Variants in SLC4A5 observed in about 807,000 individuals in gnomAD.
SLC4A5 encodes electrogenic sodium bicarbonate cotransporter 4.
In SLC4A5, 96 loss-of-function variants were observed where a neutral mutation model predicts 120.4. That is an observed-to-expected ratio of 0.80 (90% CI 0.68 to 0.94). The LOEUF (loss-of-function observed/expected upper bound fraction) is 0.94, where lower values mean the gene tolerates loss of function less well. Ranked by LOEUF, SLC4A5 falls within the 40% of genes least tolerant of loss-of-function variation. The pLI, the probability that SLC4A5 is intolerant of heterozygous loss-of-function variation, is 0.00. For missense variants in SLC4A5, 1,259 were observed against 1,459.5 expected, an observed-to-expected ratio of 0.86 and a Z score of 2.24; for synonymous variants, 550 against 571.1, an observed-to-expected ratio of 0.96 and a Z score of 0.53.
intron 5 of SLC4A5, among the ~76,000 whole-genome samples, chr2:74,324,836 T>C (rs1004692489): frequency 2.0e-5 from 3 of 152,158 alleles, no homozygotes; most frequent in Non-Finnish European, 4.4e-5. Flanking sequence ...TCCCATGTCC[T>C]TAACTGGGCC....
chr2:74,227,179 G>T (rs377538184), intron 26 of SLC4A5, 49 bp from the exon 27 acceptor site: 1 of 1,540,814 alleles, frequency 6.5e-7, no homozygotes, highest in Non-Finnish European at 8.8e-7. Context: ...CCGAGGGCCC[G>T]CTGGGTCCTG....
At chr2:74,265,908 T>C (rs780500215) in intron 8 of SLC4A5, among the ~76,000 whole-genome samples, 1 of 151,890 alleles carries the variant, frequency 6.6e-6, no homozygotes, top group African/African-American at 2.4e-5. Flanking sequence ...GGGCTGGGTG[T>C]TCAAGTAGAA....
At chr2:74,276,654 C>T (rs927046667) in intron 8 of SLC4A5, among the ~76,000 whole-genome samples, 4 of 82,958 alleles carry the variant, frequency 4.8e-5, no homozygotes, top group South Asian at 3.3e-4. Flanking sequence ...GGATTGCTTA[C>T]GTTAAGTGTA....
chr2:74,264,289 A>G, exon 10 of SLC4A5: 1 of 1,613,790 alleles, frequency 6.2e-7, no homozygotes, highest in Non-Finnish European at 8.5e-7. Flanking sequence ...TCTGCTTCTC[A>G]ATGACATCAT....
chr2:74,246,069 G>C (rs946788889), intron 19 of SLC4A5, among the ~76,000 whole-genome samples: 5 of 152,172 alleles, frequency 3.3e-5, no homozygotes, highest in Non-Finnish European at 5.9e-5. Flanking sequence ...GCAGCACCCT[G>C]GGCACTCTGG....
intron 12 of SLC4A5, 118 bp downstream of exon 12, chr2:74,259,469 TG>T (rs1671069001): frequency 8.5e-7 from 1 of 1,180,112 alleles, no homozygotes; most frequent in Non-Finnish European, 1.3e-6. Context: ...GGGATCTTCC[TG>T]GAACTCCCAC....
chr2:74,264,888 G>T (rs930744466), intron 9 of SLC4A5, among the ~76,000 whole-genome samples: 3 of 152,220 alleles, frequency 2.0e-5, no homozygotes, highest in Non-Finnish European at 4.4e-5. Context: ...GCATTTTGGA[G>T]GATGGTCTTT....
chr2:74,321,415 G>C (rs1025514072), intron 5 of SLC4A5, among the ~76,000 whole-genome samples: 1 of 152,168 alleles, frequency 6.6e-6, no homozygotes, highest in African/African-American at 2.4e-5. Flanking sequence ...TTCCTGGATA[G>C]AGTTGCCAGG....
intron 8 of SLC4A5, among the ~76,000 whole-genome samples, chr2:74,278,603 C>T (rs1440198983): frequency 6.6e-6 from 1 of 152,128 alleles, no homozygotes. Context: ...GAACCTTTTA[C>T]CTGGGGCTTG....
At chr2:74,311,852 G>A (rs564943878) in intron 6 of SLC4A5, among the ~76,000 whole-genome samples, 4 of 151,564 alleles carry the variant, frequency 2.6e-5, no homozygotes, top group South Asian at 4.2e-4. Context: ...CAACTATATC[G>A]TTACTGATTT....
chr2:74,336,552 A>G (rs375295732), intron 3 of SLC4A5, among the ~76,000 whole-genome samples: 169 of 152,294 alleles, frequency 1.1e-3, no homozygotes, highest in Middle Eastern at 6.8e-3. Context: ...AAACATTGAG[A>G]GCAGTGCTTG....
intron 8 of SLC4A5, among the ~76,000 whole-genome samples, chr2:74,266,287 G>T (rs895004689): frequency 7.9e-5 from 12 of 152,128 alleles, no homozygotes; most frequent in East Asian, 5.8e-4. Context: ...TTTTTTGTTG[G>T]TTTTTTTGAG....
At chr2:74,273,240 T>C (rs1428622155) in intron 8 of SLC4A5, among the ~76,000 whole-genome samples, 2 of 152,190 alleles carry the variant, frequency 1.3e-5, no homozygotes, top group Non-Finnish European at 2.9e-5. Flanking sequence ...AAGAGAAGCT[T>C]CTATCTATAC....
chr2:74,262,311 C>A (rs1395345915), intron 10 of SLC4A5, 79 bp from the exon 11 acceptor site: 1 of 954,742 alleles, frequency 1.0e-6, no homozygotes, highest in Non-Finnish European at 1.6e-6. Flanking sequence ...TTCACTTTAA[C>A]TAAATAAAAC....
intron 27 of SLC4A5, among the ~76,000 whole-genome samples, chr2:74,226,085 T>G (rs951657292): frequency 6.6e-6 from 1 of 152,226 alleles, no homozygotes; most frequent in African/African-American, 2.4e-5. Flanking sequence ...CAACCCTGGC[T>G]GCAGGTCTAT....
At chr2:74,290,701 G>A (rs1672138832) in intron 7 of SLC4A5, 2 of 985,392 alleles carry the variant, frequency 2.0e-6, no homozygotes, top group Non-Finnish European at 2.4e-6. Flanking sequence ...AATCTCAGGT[G>A]CACTAGAGAG....
chr2:74,300,343 C>T (rs928250674), intron 7 of SLC4A5, among the ~76,000 whole-genome samples: 3 of 152,160 alleles, frequency 2.0e-5, no homozygotes, highest in African/African-American at 7.2e-5. Flanking sequence ...TCTTACCATA[C>T]ACTCGCACAA....
chr2:74,340,148 A>G (rs1280591124), intron 2 of SLC4A5, among the ~76,000 whole-genome samples: 1 of 152,226 alleles, frequency 6.6e-6, no homozygotes, highest in Non-Finnish European at 1.5e-5. Context: ...ATGTGAATAT[A>G]ATTAATGCCA....
intron 5 of SLC4A5, among the ~76,000 whole-genome samples, chr2:74,327,406 G>A (rs920183100): frequency 2.6e-5 from 4 of 152,156 alleles, no homozygotes; most frequent in African/African-American, 4.8e-5. Flanking sequence ...AGAATGACAC[G>A]GGGTCATGCT....
Sources: gnomAD v4.1 joint callset for allele counts (sites outside exome capture counted in the v4.1 genomes callset) on GRCh38, gnomAD v4.1.1 for gene constraint, MANE v1.5 for transcripts, NCBI Gene and HGNC (gene_info 2026-07-23, HGNC 2026-07-21) for gene names.